Variants in EYA4 observed in about 807,000 individuals in gnomAD.
EYA4 encodes EYA transcriptional coactivator and phosphatase 4, also known as protein phosphatase EYA4.
In EYA4, 31 loss-of-function variants were observed where a neutral mutation model predicts 87.9. The observed-to-expected ratio is 0.35, with a 90% CI of 0.27 to 0.48. The LOEUF is 0.48. EYA4 is among the 20% of genes least tolerant of loss of function. EYA4 has a pLI of 0.99. For synonymous variants in EYA4, 263 were observed against 270.6 expected (o/e 0.97, Z 0.28); for missense variants, 678 against 761.4 (o/e 0.89, Z 1.29).
chr6:133,406,163 A>C (rs1403058143), intron 3 of EYA4, among the ~76,000 whole-genome samples: 2 of 152,208 alleles, frequency 1.3e-5, no homozygotes, highest in Non-Finnish European at 2.9e-5. Flanking sequence ...TTTACCACCT[A>C]CCATGGGCCA....
chr6:133,378,265 T>TG (rs773206853), intron 2 of EYA4, among the ~76,000 whole-genome samples: 1 of 152,080 alleles, frequency 6.6e-6, no homozygotes, highest in Non-Finnish European at 1.5e-5. Context: ...GTGTTAGCTG[T>TG]GGGATATTAG....
chr6:133,255,951 A>T (rs1261746914), intron 1 of EYA4, among the ~76,000 whole-genome samples: 3 of 152,038 alleles, frequency 2.0e-5, no homozygotes, highest in African/African-American at 7.2e-5. Flanking sequence ...ATAAATATGT[A>T]TGTGCATTTT....
chr6:133,424,168 C>G (rs1790449010), intron 3 of EYA4, among the ~76,000 whole-genome samples: 1 of 152,200 alleles, frequency 6.6e-6, no homozygotes, highest in Non-Finnish European at 1.5e-5. Flanking sequence ...TTCGGCCATC[C>G]TCTGGCTGTC....
At chr6:133,259,537 T>C (rs1775621595) in intron 1 of EYA4, among the ~76,000 whole-genome samples, 1 of 152,178 alleles carries the variant, frequency 6.6e-6, no homozygotes, top group Non-Finnish European at 1.5e-5. Context: ...CAGGGGAATT[T>C]ATTGAGAGGA....
At chr6:133,351,956 A>C (rs1259442366) in intron 2 of EYA4, among the ~76,000 whole-genome samples, 1 of 151,718 alleles carries the variant, frequency 6.6e-6, no homozygotes, top group Non-Finnish European at 1.5e-5. Flanking sequence ...AGAAGAATTT[A>C]AAATGGCAAA....
intron 2 of EYA4, among the ~76,000 whole-genome samples, chr6:133,310,277 G>A (rs1293128893): frequency 6.6e-6 from 1 of 152,076 alleles, no homozygotes; most frequent in Non-Finnish European, 1.5e-5. Context: ...TCGCATCTGT[G>A]TATTTGTCAT....
At chr6:133,261,475 T>C (rs921964605) in intron 1 of EYA4, among the ~76,000 whole-genome samples, 4 of 152,194 alleles carry the variant, frequency 2.6e-5, no homozygotes, top group African/African-American at 9.6e-5. Flanking sequence ...TATCAGTCTC[T>C]CAACACTAAA....
intron 3 of EYA4, among the ~76,000 whole-genome samples, chr6:133,382,656 T>C (rs1033333347): frequency 2.0e-5 from 3 of 152,128 alleles, no homozygotes; most frequent in Admixed American, 1.3e-4. Context: ...GGAACAATAG[T>C]GGAAGTATCT....
At chr6:133,417,902 T>C (rs1789876271) in intron 3 of EYA4, among the ~76,000 whole-genome samples, 1 of 152,162 alleles carries the variant, frequency 6.6e-6, no homozygotes. Context: ...ACCCCAAGCA[T>C]GTAGGGTCTG....
At chr6:133,247,629 A>G (rs1399435202) in intron 1 of EYA4, 2 of 152,182 alleles carry the variant, frequency 1.3e-5, no homozygotes, top group Non-Finnish European at 2.9e-5. Context: ...TTACAATTTT[A>G]TAGTATTTTT....
intron 2 of EYA4, among the ~76,000 whole-genome samples, chr6:133,298,288 G>A (rs1431698714): frequency 6.6e-6 from 1 of 152,054 alleles, no homozygotes; most frequent in South Asian, 2.1e-4. Flanking sequence ...TTTATACTTT[G>A]TCTGCTCCAG....
Position 133,450,139 on chromosome 6 carries a change from C to T in EYA4, c.277+1960C>T, listed in dbSNP as rs575495808. ...TAGCTGGGACTACAGGCACCCGCCA[C>T]GACACCCAGCTAATTTTTTGTATTT... is the stretch of plus-strand genomic sequence containing the variant. On this transcript the variant is annotated intron_variant, in intron 5 of 19. Coordinates refer to ENST00000355286, the MANE Select transcript of EYA4 (RefSeq NM_004100.5). Among the ~76,000 whole-genome samples, 31 of 152,156 alleles carry T rather than the reference C, an allele frequency of 2.0e-4. No individual in the cohort carries two copies. In the East Asian group the frequency reaches 5.5e-3, roughly 27 times the overall value.
intron 5 of EYA4, among the ~76,000 whole-genome samples, chr6:133,450,025 A>G (rs1442458814): frequency 1.3e-5 from 2 of 151,694 alleles, no homozygotes; most frequent in Non-Finnish European, 2.9e-5. Flanking sequence ...TTGCTCTGTC[A>G]CCCAGGCTGG....
chr6:133,444,699 T>G (rs150085178), intron 3 of EYA4, among the ~76,000 whole-genome samples: 1 of 151,910 alleles, frequency 6.6e-6, no homozygotes, highest in African/African-American at 2.4e-5. Context: ...TTGGGCACAG[T>G]GACCCCGTTT....
At chr6:133,441,024 G>A (rs1036791381) in intron 3 of EYA4, among the ~76,000 whole-genome samples, 9 of 152,138 alleles carry the variant, frequency 5.9e-5, no homozygotes, top group Non-Finnish European at 1.3e-4. Flanking sequence ...TTGTGGTGCT[G>A]TAAGGCTCTG....
In EYA4 at chr6:133,523,164, T is replaced by C. The variant is rs1800334325; in HGVS notation, c.1725T>C (p.Ser575=). 1 of 1,612,284 alleles carries C rather than the reference T, an allele frequency of 6.2e-7. No individual in the cohort carries two copies. The highest frequency in any genetic ancestry group is 1.3e-5 in the African/African-American group (1 of 74,962). ...CTTTCCCCATTGAGAATATTTACAG[T>C]GCAACTAAAATAGGTAAGGAAATTA... ...GGAFPIENIY[S]ATKIGKESCF... is the part of the protein sequence containing the mutation. Residue 575 remains serine (S), a synonymous_variant, in exon 18 of 20, where the codon AGT becomes AGC. Transcript: ENST00000355286.
At chr6:133,282,331 T>A (rs1777692208) in intron 2 of EYA4, among the ~76,000 whole-genome samples, 1 of 152,238 alleles carries the variant, frequency 6.6e-6, no homozygotes, top group Non-Finnish European at 1.5e-5. Flanking sequence ...TTTGCACTTC[T>A]CTGATCATTA....
At chr6:133,372,570 A>C (rs1338887967) in intron 2 of EYA4, among the ~76,000 whole-genome samples, 2 of 151,088 alleles carry the variant, frequency 1.3e-5, no homozygotes, top group Non-Finnish European at 2.9e-5. Flanking sequence ...CATGCTATAA[A>C]TACATTTTTT....
At chr6:133,330,247 A>T (rs1781819186) in intron 2 of EYA4, among the ~76,000 whole-genome samples, 1 of 152,098 alleles carries the variant, frequency 6.6e-6, no homozygotes, top group Non-Finnish European at 1.5e-5. Context: ...TAGAAGACAA[A>T]CTAGATGCTT....
Sources: allele counts gnomAD v4.1 joint callset (sites outside exome capture counted in the v4.1 genomes callset), GRCh38; gene constraint gnomAD v4.1.1; transcripts MANE v1.5; gene names NCBI Gene and HGNC (gene_info 2026-07-23, HGNC 2026-07-21).